Variants in OR51E2 observed in about 807,000 individuals in gnomAD.
OR51E2 encodes the protein olfactory receptor 51E2.
OR51E2 carries 14 observed loss-of-function variants against 13.7 expected under a neutral mutation model. That is an observed-to-expected ratio of 1.02 (90% CI 0.68 to 1.60). OR51E2 has a LOEUF of 1.60. OR51E2 is among the 40% of genes most tolerant of loss of function. The pLI, the probability that OR51E2 is intolerant of heterozygous loss-of-function variation, is 0.00. For synonymous variants in OR51E2, 180 were observed against 157.6 expected (o/e 1.14, Z -1.07); for missense variants, 483 against 413.8 (o/e 1.17, Z -1.45).
chr11:4,692,446 T>G (rs538486022), intron 1 of OR51E2, among the ~76,000 whole-genome samples: 1 of 152,382 alleles, frequency 6.6e-6, no homozygotes, highest in African/African-American at 2.4e-5. Context: ...GCTGGAAGAC[T>G]AGTTCTCCAG....
At chr11:4,689,142 A>G (rs1218954260) in intron 1 of OR51E2, among the ~76,000 whole-genome samples, 1 of 152,230 alleles carries the variant, frequency 6.6e-6, no homozygotes, top group Non-Finnish European at 1.5e-5. Flanking sequence ...AAAAGGTCTG[A>G]GAACAAAGTC....
At chr11:4,687,619 T>G (rs919382477) in intron 1 of OR51E2, among the ~76,000 whole-genome samples, 1 of 152,144 alleles carries the variant, frequency 6.6e-6, no homozygotes, top group African/African-American at 2.4e-5. Context: ...ATTAATTCAA[T>G]GAAGAGTAAA....
Position 4,696,564 on chromosome 11 carries a change from T to G in OR51E2, c.-51+1089A>C, listed in dbSNP as rs374963248. On this transcript the variant is annotated intron_variant, in intron 1 of 1. Coordinates refer to ENST00000396950, the MANE Select transcript of OR51E2 (RefSeq NM_030774.4). ...TTTCTTACATTGAAAAAATCTTAAG[T>G]GTTTATATTCAAGACAAGAGGGGGA... Among the ~76,000 whole-genome samples, 895 of 152,272 alleles carry G rather than the reference T, an allele frequency of 5.9e-3. 10 individuals are homozygous for G. The highest frequency in any genetic ancestry group is 0.02 in the African/African-American group (833 of 41,554).
intron 1 of OR51E2, chr11:4,691,517 G>C (rs778629347): frequency 1.5e-5 from 7 of 456,916 alleles, no homozygotes; most frequent in South Asian, 1.1e-4. Flanking sequence ...AGAGGAAATA[G>C]TACATTGGTT....
intron 1 of OR51E2, among the ~76,000 whole-genome samples, chr11:4,687,162 T>C (rs1847526039): frequency 6.6e-6 from 1 of 152,226 alleles, no homozygotes; most frequent in Admixed American, 6.5e-5. Context: ...CTTTCCACTT[T>C]GGACCTGCCT....
chr11:4,691,327 C>G, intron 1 of OR51E2: 1 of 457,568 alleles, frequency 2.2e-6, no homozygotes, highest in Non-Finnish European at 4.4e-6. Flanking sequence ...GAGACGGCCA[C>G]AAAACGATCA....
rs1847438237 is a variant in OR51E2, at chr11:4,680,609, C to T, written c.*1140G>A. 1 of 152,474 alleles carries T rather than the reference C, an allele frequency of 6.6e-6. No individual in the cohort carries two copies. Among genetic ancestry groups the T allele is most frequent in the Non-Finnish European group, 1.5e-5 (1 of 68,018 alleles). The allele number at this position is 152,474 out of a possible 1,614,324, so 9.4% of individuals were successfully genotyped here. A position where few individuals can be genotyped will look rare whatever the true frequency, so the allele number is the denominator to read the frequency against. ...GCCCACAAGCCGTGTGACTTTAGTC[C>T]CCTTGATAATATAAACTTCATTTCT... On this transcript the variant is annotated 3_prime_UTR_variant, in exon 2 of 2. Transcript: ENST00000396950.
chr11:4,697,210 C>T (rs1355310307), intron 1 of OR51E2, among the ~76,000 whole-genome samples: 2 of 152,116 alleles, frequency 1.3e-5, no homozygotes, highest in African/African-American at 4.8e-5. Flanking sequence ...AAAGCTCGTG[C>T]TCTCAAAAAC....
In OR51E2 at chr11:4,681,799, T is replaced by C. The variant is rs759881312; in HGVS notation, c.913A>G (p.Met305Val). 8 of 1,614,076 alleles carry C rather than the reference T, an allele frequency of 5.0e-6. No homozygotes were observed. In the East Asian group the frequency reaches 8.9e-5, roughly 18 times the overall value. The change falls in exon 2 of 2, where the codon ATG becomes GTG. Residue 305 changes from methionine (M) to valine (V), a missense_variant. Coordinates refer to ENST00000396950, the MANE Select transcript of OR51E2 (RefSeq NM_030774.4). ...TKQIRTRVLA[M>V]FKISCDKDLQ... ...TCCTTGTCACAGCTGATCTTGAACATAGCCAGCACCCGTGTTCTGATCTGT... is the reference window on the plus strand; with the variant it reads ...TCCTTGTCACAGCTGATCTTGAACACAGCCAGCACCCGTGTTCTGATCTGT...
At chr11:4,694,150 T>A (rs1847622591) in intron 1 of OR51E2, among the ~76,000 whole-genome samples, 1 of 152,176 alleles carries the variant, frequency 6.6e-6, no homozygotes, top group African/African-American at 2.4e-5. Flanking sequence ...TCTTCATATC[T>A]CCCATTACCT....
chr11:4,691,462 C>A (rs1328895937), intron 1 of OR51E2: 6 of 456,344 alleles, frequency 1.3e-5, no homozygotes, highest in Admixed American at 1.2e-4. Flanking sequence ...AGCATGGTGA[C>A]CAGAGTGGAT....
chr11:4,691,532 G>T (rs921073523), intron 1 of OR51E2: 2 of 456,990 alleles, frequency 4.4e-6, no homozygotes, highest in African/African-American at 4.0e-5. Flanking sequence ...TTGGTTCGTG[G>T]AGGCTGGGCT....
intron 1 of OR51E2, among the ~76,000 whole-genome samples, chr11:4,687,566 G>A (rs185833467): frequency 3.5e-4 from 53 of 152,282 alleles, no homozygotes; most frequent in Non-Finnish European, 6.2e-4. Flanking sequence ...TTATCTTCTT[G>A]TGTGCCATCT....
chr11:4,692,312 C>A, intron 1 of OR51E2: 1 of 301,650 alleles, frequency 3.3e-6, no homozygotes, highest in East Asian at 8.3e-5. Context: ...CAATATGATA[C>A]CCGGCATCAT....
At chr11:4,684,091 A>C (rs573110466) in intron 1 of OR51E2, among the ~76,000 whole-genome samples, 2 of 152,350 alleles carry the variant, frequency 1.3e-5, no homozygotes, top group East Asian at 3.9e-4. Flanking sequence ...CAATATGATA[A>C]AATTAGTACA....
chr11:4,696,051 G>A (rs958986649), intron 1 of OR51E2, among the ~76,000 whole-genome samples: 2 of 152,094 alleles, frequency 1.3e-5, no homozygotes, highest in Non-Finnish European at 2.9e-5. Context: ...GGTTTTAAGC[G>A]TAAAGGTAGT....
At chr11:4,688,132 G>T (rs1589873454) in intron 1 of OR51E2, among the ~76,000 whole-genome samples, 1 of 152,130 alleles carries the variant, frequency 6.6e-6, no homozygotes, top group Admixed American at 6.5e-5. Context: ...TCATGTTGTA[G>T]TAATGAAACT....
At chr11:4,687,479 C>T (rs1003919800) in intron 1 of OR51E2, among the ~76,000 whole-genome samples, 5 of 152,158 alleles carry the variant, frequency 3.3e-5, no homozygotes, top group Non-Finnish European at 2.9e-5. Context: ...GTACTTGGCA[C>T]AGTATTCTCC....
At chr11:4,693,896 G>T (rs2133252913) in intron 1 of OR51E2, among the ~76,000 whole-genome samples, 1 of 152,292 alleles carries the variant, frequency 6.6e-6, no homozygotes, top group Non-Finnish European at 1.5e-5. Flanking sequence ...TTATAATCCA[G>T]TGAGGCAGAA....
Sources: gnomAD v4.1 joint callset for allele counts (sites outside exome capture counted in the v4.1 genomes callset) on GRCh38, gnomAD v4.1.1 for gene constraint, MANE v1.5 for transcripts, NCBI Gene and HGNC (gene_info 2026-07-23, HGNC 2026-07-21) for gene names.